EXOC6B: variants seen among roughly 807,000 people sequenced by gnomAD.
The protein encoded by EXOC6B is exocyst complex component 6B, also known as SEC15 homolog B.
EXOC6B carries 54 observed loss-of-function variants against 113.5 expected under a neutral mutation model. That is an observed-to-expected ratio of 0.48 (90% CI 0.38 to 0.60). EXOC6B has a LOEUF of 0.60. Among genes scored for constraint, EXOC6B ranks in the 20% least tolerant of loss-of-function variants. EXOC6B has a pLI of 0.00. For missense variants in EXOC6B, 797 were observed against 977.5 expected (o/e 0.82, Z 2.46); for synonymous variants, 357 against 339.0 (o/e 1.05, Z -0.58).
At chr2:72,482,998 C>T (rs1573225822) in intron 16 of EXOC6B, among the ~76,000 whole-genome samples, 1 of 152,276 alleles carries the variant, frequency 6.6e-6, no homozygotes, top group South Asian at 2.1e-4. Flanking sequence ...CATCAGCTCT[C>T]CTTTCCATTC....
At chr2:72,734,977 C>T (rs1281679155) in intron 2 of EXOC6B, among the ~76,000 whole-genome samples, 2 of 152,086 alleles carry the variant, frequency 1.3e-5, no homozygotes, top group African/African-American at 2.4e-5. Flanking sequence ...TAAAGTGGCT[C>T]CGTAAAAATG....
At chr2:72,443,289 C>T (rs2105337221) in intron 18 of EXOC6B, among the ~76,000 whole-genome samples, 1 of 148,050 alleles carries the variant, frequency 6.8e-6, no homozygotes, top group East Asian at 2.0e-4. Context: ...CGCCACTGCA[C>T]TCCAGCCTGG....
At chr2:72,245,779 T>G (rs1682615648) in intron 20 of EXOC6B, among the ~76,000 whole-genome samples, 1 of 152,174 alleles carries the variant, frequency 6.6e-6, no homozygotes. Flanking sequence ...GACCATTATG[T>G]AAATTATGGA....
At chr2:72,698,904 A>G (rs562487080) in intron 6 of EXOC6B, among the ~76,000 whole-genome samples, 214 of 152,354 alleles carry the variant, frequency 1.4e-3, no homozygotes, top group South Asian at 7.9e-3. Context: ...ACAAATCATG[A>G]AGAAACTAGA....
chr2:72,243,090 C>A (rs1573072083), intron 20 of EXOC6B, among the ~76,000 whole-genome samples: 2 of 152,218 alleles, frequency 1.3e-5, no homozygotes, highest in Admixed American at 1.3e-4. Flanking sequence ...GCTATAAGGA[C>A]ATACCCGAGA....
intron 11 of EXOC6B, among the ~76,000 whole-genome samples, chr2:72,512,452 G>A (rs1700988586): frequency 6.6e-6 from 1 of 150,858 alleles, no homozygotes. Context: ...AGGAAGGAAA[G>A]AAGGAAGGGA....
chr2:72,421,672 G>A (rs751236808), intron 18 of EXOC6B, among the ~76,000 whole-genome samples: 10 of 152,218 alleles, frequency 6.6e-5, no homozygotes, highest in Admixed American at 3.9e-4. Context: ...GCTGGCAGTC[G>A]TCACAGCCCT....
At chr2:72,807,099 C>A (rs1462673128) in intron 1 of EXOC6B, among the ~76,000 whole-genome samples, 2 of 152,084 alleles carry the variant, frequency 1.3e-5, no homozygotes, top group African/African-American at 2.4e-5. Flanking sequence ...TTTGGCCGTG[C>A]CTGTGTCCAG....
At chr2:72,818,831 G>T (rs977659997) in intron 1 of EXOC6B, among the ~76,000 whole-genome samples, 25 of 152,094 alleles carry the variant, frequency 1.6e-4, no homozygotes, top group Non-Finnish European at 2.8e-4. Context: ...TGTATGGAAG[G>T]TATTTCCCTC....
chr2:72,721,990 A>C (rs1280159786), intron 5 of EXOC6B: 6 of 124,150 alleles, frequency 4.8e-5, no homozygotes, highest in Admixed American at 2.8e-4. Context: ...ACCTCCAGGA[A>C]TGGTGCTCTA....
intron 1 of EXOC6B, among the ~76,000 whole-genome samples, chr2:72,820,015 G>C (rs1686493343): frequency 6.6e-6 from 1 of 152,184 alleles, no homozygotes; most frequent in Admixed American, 6.5e-5. Context: ...TCTCTGTAAA[G>C]ATGAATTAAT....
At chr2:72,250,139 A>G (rs1682918177) in intron 20 of EXOC6B, among the ~76,000 whole-genome samples, 1 of 152,216 alleles carries the variant, frequency 6.6e-6, no homozygotes, top group African/African-American at 2.4e-5. Flanking sequence ...CTTAAATGAC[A>G]TAGTAGAGGA....
At chr2:72,446,191 T>A (rs770362506) in intron 18 of EXOC6B, among the ~76,000 whole-genome samples, 2 of 152,084 alleles carry the variant, frequency 1.3e-5, no homozygotes, top group Non-Finnish European at 2.9e-5. Flanking sequence ...GACACATGCA[T>A]GCAAATGTCC....
At chr2:72,344,639 T>C (rs929341733) in intron 19 of EXOC6B, among the ~76,000 whole-genome samples, 5 of 152,198 alleles carry the variant, frequency 3.3e-5, no homozygotes, top group Admixed American at 3.3e-4. Flanking sequence ...TTATAGACCA[T>C]GTCTATGGCA....
intron 8 of EXOC6B, among the ~76,000 whole-genome samples, chr2:72,527,933 T>C (rs1189746773): frequency 2.6e-5 from 4 of 152,034 alleles, no homozygotes; most frequent in African/African-American, 4.8e-5. Flanking sequence ...TTATATATTC[T>C]AGATACATAA....
chr2:72,248,366 A>T (rs1182289783), intron 20 of EXOC6B, among the ~76,000 whole-genome samples: 2 of 152,226 alleles, frequency 1.3e-5, no homozygotes, highest in African/African-American at 4.8e-5. Context: ...GACACTTCAA[A>T]TATAATGGTT....
intron 20 of EXOC6B, among the ~76,000 whole-genome samples, chr2:72,225,877 A>T (rs574659062): frequency 6.6e-6 from 1 of 152,314 alleles, no homozygotes; most frequent in South Asian, 2.1e-4. Context: ...GCATGTAAGT[A>T]TATAAATCTG....
intron 8 of EXOC6B, among the ~76,000 whole-genome samples, chr2:72,539,235 T>A (rs963355566): frequency 1.3e-5 from 2 of 152,076 alleles, no homozygotes; most frequent in African/African-American, 2.4e-5. Flanking sequence ...CTAACATACT[T>A]CTTCTGCCCT....
At chr2:72,352,566 A>G (rs573759059) in intron 19 of EXOC6B, among the ~76,000 whole-genome samples, 1 of 152,302 alleles carries the variant, frequency 6.6e-6, no homozygotes, top group East Asian at 1.9e-4. Context: ...ACAAATTTTA[A>G]TACTGTAATA....
Sources: gnomAD v4.1 joint callset for allele counts (sites outside exome capture counted in the v4.1 genomes callset) on GRCh38, gnomAD v4.1.1 for gene constraint, MANE v1.5 for transcripts, NCBI Gene and HGNC (gene_info 2026-07-23, HGNC 2026-07-21) for gene names.